The following PCDH9 variants were observed in gnomAD, a reference collection of about 807,000 sequenced individuals.
PCDH9 encodes protocadherin 9.
PCDH9 carries 24 observed loss-of-function variants against 70.6 expected under a neutral mutation model. That is an observed-to-expected ratio of 0.34 (90% CI 0.25 to 0.48). The LOEUF is 0.48. Among genes scored for constraint, PCDH9 ranks in the 20% least tolerant of loss-of-function variants. The pLI is 0.99. For synonymous variants in PCDH9, 562 were observed against 558.5 expected, an observed-to-expected ratio of 1.01 and a Z score of -0.09; for missense variants, 1,281 against 1,503.6, an observed-to-expected ratio of 0.85 and a Z score of 2.45.
intron 4 of PCDH9, among the ~76,000 whole-genome samples, chr13:66,332,293 C>A (rs530520785): frequency 6.6e-6 from 1 of 152,204 alleles, no homozygotes; most frequent in Admixed American, 6.5e-5. Context: ...TGCCAGAGAG[C>A]ATACACCATG....
At chr13:66,605,425 A>G (rs1414225569) in intron 4 of PCDH9, among the ~76,000 whole-genome samples, 2 of 152,182 alleles carry the variant, frequency 1.3e-5, no homozygotes, top group East Asian at 1.9e-4. Context: ...GTTAACCATA[A>G]AAGTTCTGAA....
chr13:66,311,626 A>G (rs1468623086), intron 4 of PCDH9, among the ~76,000 whole-genome samples: 4 of 152,136 alleles, frequency 2.6e-5, no homozygotes, highest in Non-Finnish European at 5.9e-5. Flanking sequence ...TGGTAAAATT[A>G]ATTTCAAATA....
Position 67,192,029 on chromosome 13 carries a change from G to T in PCDH9, c.3036+33376C>A, listed in dbSNP as rs375582546. 1.1e-4 allele frequency among the ~76,000 whole-genome samples: 16 copies of T among 151,858 alleles called. No homozygotes were observed. In the South Asian group the frequency reaches 3.3e-3, roughly 32 times the overall value. ...AGAAAAAAAAAAACATGTTGTACAA[G>T]TGTAATTTGTCGATTAGTAAATTTT... On this transcript the variant is annotated intron_variant, in intron 2 of 4. Coordinates refer to ENST00000377865, the MANE Select transcript of PCDH9 (RefSeq NM_203487.3).
chr13:66,774,698 G>T (rs1006558060), intron 3 of PCDH9, among the ~76,000 whole-genome samples: 1 of 152,112 alleles, frequency 6.6e-6, no homozygotes, highest in Non-Finnish European at 1.5e-5. Flanking sequence ...CCCAAATGAC[G>T]TATTGTTATT....
chr13:66,476,561 ATTC>A (rs1426135918), intron 4 of PCDH9, among the ~76,000 whole-genome samples: 1 of 152,100 alleles, frequency 6.6e-6, no homozygotes, highest in East Asian at 1.9e-4. Context: ...ACGAGTATAC[ATTC>A]TCAATAGTGG....
At chr13:67,064,769 AT>A (rs2085608773) in intron 2 of PCDH9, among the ~76,000 whole-genome samples, 1 of 152,104 alleles carries the variant, frequency 6.6e-6, no homozygotes, top group African/African-American at 2.4e-5. Context: ...TTTTTAATGT[AT>A]TTTATTAGAG....
intron 2 of PCDH9, among the ~76,000 whole-genome samples, chr13:67,024,600 T>A (rs2084743228): frequency 6.6e-6 from 1 of 152,098 alleles, no homozygotes; most frequent in African/African-American, 2.4e-5. Context: ...GCTATTTCCA[T>A]CCCTTCTGAA....
At chr13:67,182,482 A>G (rs1288921262) in intron 2 of PCDH9, among the ~76,000 whole-genome samples, 1 of 151,804 alleles carries the variant, frequency 6.6e-6, no homozygotes, top group African/African-American at 2.4e-5. Flanking sequence ...ATGTATTATT[A>G]TTTCACTCTT....
chr13:66,653,983 A>AG lies in PCDH9; in HGVS notation c.3139-22573_3139-22572insC, dbSNP rs1566484083. 2.7e-4 allele frequency among the ~76,000 whole-genome samples: 41 copies of AG among 150,526 alleles called. 1 individual carries two copies. The East Asian group carries it at 6.1e-3, about 22-fold the overall frequency. On this transcript the variant is annotated intron_variant, in intron 3 of 4. Transcript: ENST00000377865. Reference sequence around the variant, plus strand: ...ACTCCGTCTCAAAATTAAAAAAAAAAAAATAGAAAGAAAATCAGTATGTCA... The same window carrying AG: ...ACTCCGTCTCAAAATTAAAAAAAAAAGAAATAGAAAGAAAATCAGTATGTCA...
At chr13:66,670,071 A>T (rs1420358943) in intron 3 of PCDH9, among the ~76,000 whole-genome samples, 7 of 151,916 alleles carry the variant, frequency 4.6e-5, no homozygotes, top group Non-Finnish European at 1.0e-4. Flanking sequence ...CCCCAAAGTC[A>T]CTCTTCCTCT....
chr13:66,785,413 C>T (rs879780669), intron 3 of PCDH9, among the ~76,000 whole-genome samples: 9 of 151,714 alleles, frequency 5.9e-5, no homozygotes, highest in African/African-American at 2.2e-4. Context: ...TACCTTTACT[C>T]AAAAAGGTCA....
At chr13:66,950,660 C>T (rs1274856800) in intron 2 of PCDH9, among the ~76,000 whole-genome samples, 1 of 151,638 alleles carries the variant, frequency 6.6e-6, no homozygotes, top group African/African-American at 2.4e-5. Context: ...AAAAATAAAA[C>T]AGGTGACCAT....
At chr13:66,806,608 G>T (rs546928751) in intron 3 of PCDH9, among the ~76,000 whole-genome samples, 3 of 152,248 alleles carry the variant, frequency 2.0e-5, no homozygotes, top group South Asian at 4.1e-4. Flanking sequence ...CTAGTATAAC[G>T]ATTAGCAGCA....
chr13:66,426,538 T>G (rs945033525), intron 4 of PCDH9, among the ~76,000 whole-genome samples: 110 of 150,612 alleles, frequency 7.3e-4, no homozygotes, highest in Non-Finnish European at 1.3e-3. Flanking sequence ...ATACGCTATG[T>G]AATATTAGAA....
intron 2 of PCDH9, chr13:67,218,718 T>C (rs2089661354): frequency 6.6e-6 from 1 of 152,076 alleles, no homozygotes; most frequent in Admixed American, 6.6e-5. Context: ...GGTGAAGCTG[T>C]ACGTAGCAGG....
intron 3 of PCDH9, among the ~76,000 whole-genome samples, chr13:66,842,479 G>A (rs181864094): frequency 6.6e-6 from 1 of 152,124 alleles, no homozygotes; most frequent in East Asian, 1.9e-4. Flanking sequence ...GGCTTTGTAT[G>A]AGACTTCCAA....
At chr13:66,430,161 CTT>C (rs1957746244) in intron 4 of PCDH9, among the ~76,000 whole-genome samples, 1 of 152,000 alleles carries the variant, frequency 6.6e-6, no homozygotes, top group Non-Finnish European at 1.5e-5. Context: ...AAAGCTAACT[CTT>C]TATTCAATCA....
intron 2 of PCDH9, among the ~76,000 whole-genome samples, chr13:66,974,064 A>C (rs1239285123): frequency 6.6e-6 from 1 of 152,004 alleles, no homozygotes; most frequent in Non-Finnish European, 1.5e-5. Flanking sequence ...GTTAGAACTC[A>C]CCTACGCTTC....
At chr13:66,502,746 A>C (rs1484264450) in intron 4 of PCDH9, among the ~76,000 whole-genome samples, 1 of 152,218 alleles carries the variant, frequency 6.6e-6, no homozygotes, top group Non-Finnish European at 1.5e-5. Context: ...GTTGCTTTTT[A>C]AGTTAATTTG....
Sources: allele counts gnomAD v4.1 joint callset (sites outside exome capture counted in the v4.1 genomes callset), GRCh38; gene constraint gnomAD v4.1.1; transcripts MANE v1.5; gene names NCBI Gene and HGNC (gene_info 2026-07-23, HGNC 2026-07-21).